The following ARHGEF38 variants were observed in gnomAD, a reference collection of about 807,000 sequenced individuals.
The protein encoded by ARHGEF38 is Rho guanine nucleotide exchange factor 38.
A neutral mutation model predicts 79.9 loss-of-function variants in ARHGEF38; 79 were observed. The ratio of observed to expected loss-of-function variants is 0.99; its 90% confidence interval spans 0.82 to 1.19. The LOEUF (loss-of-function observed/expected upper bound fraction) is 1.19, where lower values mean the gene tolerates loss of function less well. Ranked by LOEUF, ARHGEF38 falls within the 50% of genes most tolerant of loss-of-function variation. The pLI is 0.00. For synonymous variants in ARHGEF38, 366 were observed against 328.3 expected (o/e 1.11, Z -1.24); for missense variants, 962 against 907.2 (o/e 1.06, Z -0.78).
chr4:105,642,112 C>A (rs940652326), intron 5 of ARHGEF38, among the ~76,000 whole-genome samples: 2 of 152,140 alleles, frequency 1.3e-5, no homozygotes, highest in South Asian at 4.2e-4. Context: ...TCATCTGCCT[C>A]GCATGGTTAC....
chr4:105,670,914 T>C (rs1730937294), intron 13 of ARHGEF38, among the ~76,000 whole-genome samples: 1 of 152,206 alleles, frequency 6.6e-6, no homozygotes. Context: ...TCACACAGAC[T>C]TTCTGCCTGG....
At chr4:105,557,305 A>G (rs1033014683) in intron 1 of ARHGEF38, among the ~76,000 whole-genome samples, 2 of 152,048 alleles carry the variant, frequency 1.3e-5, no homozygotes, top group African/African-American at 4.8e-5. Context: ...TGTGTACTTG[A>G]GACACTTTTT....
intron 7 of ARHGEF38, among the ~76,000 whole-genome samples, chr4:105,650,456 C>T (rs895782931): frequency 6.6e-6 from 1 of 152,170 alleles, no homozygotes; most frequent in African/African-American, 2.4e-5. Context: ...AGAGATTACC[C>T]CTATATCCCA....
rs530652805 is a variant in ARHGEF38 at position 105,593,036 on chromosome 4, T to A, written c.384+3601T>A. Among the ~76,000 whole-genome samples, 14 of 152,266 alleles carry A rather than the reference T, an allele frequency of 9.2e-5. No individual in the cohort carries two copies. In the South Asian group the frequency reaches 2.9e-3, roughly 32 times the overall value. On this transcript the variant is annotated intron_variant, in intron 2 of 13. Transcript: ENST00000420470. ...TCATTCATAGCACTATTATCTACTA[T>A]CTTAAAAACCAAAATCAAACACAAA... is the stretch of plus-strand genomic sequence containing the variant.
At chr4:105,582,087 C>T (rs1472816783) in intron 1 of ARHGEF38, among the ~76,000 whole-genome samples, 2 of 147,070 alleles carry the variant, frequency 1.4e-5, no homozygotes, top group Non-Finnish European at 1.5e-5. Flanking sequence ...ATCACTTGAA[C>T]CAAGGAGGTG....
rs754455990 is a variant in ARHGEF38, at chr4:105,552,714, C to A, written c.-52C>A. The A allele has an allele frequency of 2.7e-5, 40 of 1,476,534 alleles. No homozygotes were observed. The highest frequency in any genetic ancestry group is 3.7e-5 in the Non-Finnish European group (40 of 1,083,358). 91.5% of individuals were successfully genotyped at this position (1,476,534 alleles called of 1,614,324 possible). On this transcript the variant is annotated 5_prime_UTR_variant, in exon 1 of 14. Transcript: ENST00000420470. ...TAGCTTTAACCCTCACCCTGAGGCA[C>A]CTTAGCAATCAGCCATTGCCTGCAA... is the stretch of plus-strand genomic sequence containing the variant.
In ARHGEF38 at chr4:105,655,723, G is replaced by C. The variant is rs1462561585; in HGVS notation, c.1233+1G>C. ...TGCCTTAAATTCGTGTCATGACTTT[G>C]TAAGTTATTTATATTCACAGATAAA... On this transcript the variant is annotated splice_donor_variant, in intron 9 of 13. Transcript: ENST00000420470. LOFTEE classifies it high-confidence loss of function. 2 of 1,533,324 alleles carry C rather than the reference G, an allele frequency of 1.3e-6. No homozygotes were observed. The highest frequency in any genetic ancestry group is 8.7e-7 in the Non-Finnish European group (1 of 1,145,702). The allele number at this position is 1,533,324 out of a possible 1,614,324, so 95.0% of individuals were successfully genotyped here. A position where few individuals can be genotyped will look rare whatever the true frequency, so the allele number is the denominator to read the frequency against.
chr4:105,593,726 A>G (rs1294635562), intron 2 of ARHGEF38, among the ~76,000 whole-genome samples: 1 of 152,120 alleles, frequency 6.6e-6, no homozygotes, highest in African/African-American at 2.4e-5. Context: ...TGATAGCTGT[A>G]TTCTTATATA....
intron 1 of ARHGEF38, among the ~76,000 whole-genome samples, chr4:105,553,611 T>A (rs140210905): frequency 6.6e-6 from 1 of 152,344 alleles, no homozygotes; most frequent in Non-Finnish European, 1.5e-5. Context: ...TTTGTGATGG[T>A]ACAAAGATAA....
At chr4:105,602,203 G>A (rs893146243) in intron 2 of ARHGEF38, among the ~76,000 whole-genome samples, 1 of 152,074 alleles carries the variant, frequency 6.6e-6, no homozygotes, top group East Asian at 1.9e-4. Flanking sequence ...CTAACATAGG[G>A]TAAGTTTAAA....
chr4:105,590,172 T>C (rs940158046), intron 2 of ARHGEF38, among the ~76,000 whole-genome samples: 12 of 148,156 alleles, frequency 8.1e-5, no homozygotes, highest in African/African-American at 3.0e-4. Flanking sequence ...GAGAGAGAGA[T>C]GGGGACAAAC....
chr4:105,622,151 A>C (rs1728761119), intron 3 of ARHGEF38, among the ~76,000 whole-genome samples: 2 of 152,122 alleles, frequency 1.3e-5, no homozygotes, highest in African/African-American at 4.8e-5. Flanking sequence ...AAAGTCTTAC[A>C]GTTCTGATTT....
rs189037612 is a variant in ARHGEF38 at position 105,633,363 on chromosome 4, C to A, written c.656+2318C>A. 9.9e-5 allele frequency among the ~76,000 whole-genome samples: 15 copies of A among 152,250 alleles called. No individual in the cohort carries two copies. The East Asian group carries it at 1.5e-3, about 16-fold the overall frequency. ...ATAATACTGACCTCAATCGAGCTAA[C>A]CTTTAAATTCTGAGAAACAGGTTTT... is the stretch of plus-strand genomic sequence containing the variant. On this transcript the variant is annotated intron_variant, in intron 4 of 13. Transcript: ENST00000420470.
chr4:105,597,715 C>T (rs1437748998), intron 2 of ARHGEF38, among the ~76,000 whole-genome samples: 1 of 152,156 alleles, frequency 6.6e-6, no homozygotes, highest in Non-Finnish European at 1.5e-5. Context: ...ATATGTTCTA[C>T]CCCACAACAT....
chr4:105,631,085 T>A, intron 4 of ARHGEF38, 40 bp downstream of exon 4: 3 of 1,587,306 alleles, frequency 1.9e-6, no homozygotes, highest in Non-Finnish European at 2.6e-6. Context: ...CTCCTCTCAG[T>A]TGCCTAGCAG....
Position 105,677,734 on chromosome 4 carries a change from T to G in ARHGEF38, c.2149-18T>G. On this transcript the variant is annotated intron_variant, in intron 13 of 13. Transcript: ENST00000420470. ...TTCAGGTTCCAATTCCAATAATGTC[T>G]TTTGTTTCTTTGTCTAGATTTTCTA... 2.1e-6 allele frequency: 3 copies of G among 1,402,820 alleles called. No homozygotes were observed. Among genetic ancestry groups the G allele is most frequent in the Non-Finnish European group, 2.8e-6 (3 of 1,069,948 alleles). The allele number at this position is 1,402,820 out of a possible 1,614,324, so 86.9% of individuals were successfully genotyped here. A position where few individuals can be genotyped will look rare whatever the true frequency, so the allele number is the denominator to read the frequency against.
rs1003468005 is a variant in ARHGEF38, at chr4:105,590,071, G to A, written c.384+636G>A. On this transcript the variant is annotated intron_variant, in intron 2 of 13. Transcript: ENST00000420470. ...AAAGAGAGAAAGAAAGAAAAAGAAA[G>A]AAAGAAGGAAGGAAGGAAGGAAGGA... 6.3e-5 allele frequency among the ~76,000 whole-genome samples: 7 copies of A among 111,862 alleles called. No individual in the cohort carries two copies. In the East Asian group the frequency reaches 1.5e-3, roughly 24 times the overall value. The allele number at this position is 111,862 out of a possible 152,430, so 73.4% of individuals were successfully genotyped here.
intron 1 of ARHGEF38, among the ~76,000 whole-genome samples, chr4:105,564,464 T>C (rs1725790934): frequency 6.6e-6 from 1 of 152,050 alleles, no homozygotes; most frequent in South Asian, 2.1e-4. Context: ...GGACAAAAAG[T>C]AGAATGGTGG....
rs748699974 is a variant in ARHGEF38, at chr4:105,581,566, CAACTA to C, written c.197-7681_197-7677del. ...TTACTATTTAGTTCATTATACAACT[CAACTA>C]TTTATTCAACTTAGCCATTTATTGA... On this transcript the variant is annotated intron_variant, in intron 1 of 13. Coordinates refer to ENST00000420470, the MANE Select transcript of ARHGEF38 (RefSeq NM_001242729.2). Among the ~76,000 whole-genome samples, 6 of 152,146 alleles carry C rather than the reference CAACTA, an allele frequency of 3.9e-5. No homozygotes were observed. The East Asian group carries it at 1.2e-3, about 29-fold the overall frequency.
Sources: allele counts gnomAD v4.1 joint callset (sites outside exome capture counted in the v4.1 genomes callset), GRCh38; gene constraint gnomAD v4.1.1; transcripts MANE v1.5; gene names NCBI Gene and HGNC (gene_info 2026-07-23, HGNC 2026-07-21).